Variants in SNTG1 observed in about 807,000 individuals in gnomAD.
SNTG1 encodes the protein gamma-1-syntrophin.
A neutral mutation model predicts 74.7 loss-of-function variants in SNTG1; 39 were observed. The observed-to-expected ratio is 0.52, with a 90% CI of 0.40 to 0.68. The LOEUF is 0.68. Ranked by LOEUF, SNTG1 falls within the 30% of genes least tolerant of loss-of-function variation. The pLI, the probability that SNTG1 is intolerant of heterozygous loss-of-function variation, is 0.00. For missense variants in SNTG1, 685 were observed against 609.5 expected (o/e 1.12, Z -1.30); for synonymous variants, 254 against 217.1 (o/e 1.17, Z -1.49).
intron 1 of SNTG1, among the ~76,000 whole-genome samples, chr8:50,057,300 C>T (rs1030535957): frequency 6.6e-6 from 1 of 152,106 alleles, no homozygotes; most frequent in African/African-American, 2.4e-5. Flanking sequence ...CTTAAGCTCA[C>T]AGGTGGAAGC....
intron 2 of SNTG1, among the ~76,000 whole-genome samples, chr8:50,240,964 AG>A (rs1393066092): frequency 3.8e-4 from 58 of 152,298 alleles, no homozygotes; most frequent in African/African-American, 1.3e-3. Context: ...AATAGAAGAA[AG>A]GTAGCCTTAA....
intron 4 of SNTG1, among the ~76,000 whole-genome samples, chr8:50,421,800 A>G (rs2093091424): frequency 6.6e-6 from 1 of 152,172 alleles, no homozygotes; most frequent in Non-Finnish European, 1.5e-5. Flanking sequence ...TACTTAATTA[A>G]TGTGTATACC....
chr8:50,059,161 G>T lies in SNTG1; in HGVS notation c.-102-113400G>T, dbSNP rs78501250. ...GCCATTCTTCCATTGAAGGACATTTGGGTTGTTTCTACTTTTTGGCTTTTA... is the reference window on the plus strand; with the variant it reads ...GCCATTCTTCCATTGAAGGACATTTTGGTTGTTTCTACTTTTTGGCTTTTA... On this transcript the variant is annotated intron_variant, in intron 1 of 18. Coordinates refer to ENST00000642720, the MANE Select transcript of SNTG1 (RefSeq NM_018967.5). Among the ~76,000 whole-genome samples the T allele has an allele frequency of 8.5e-5, 13 of 152,096 alleles. No homozygotes were observed. The East Asian group carries it at 2.5e-3, about 29-fold the overall frequency.
chr8:50,323,792 A>C (rs951557519), intron 2 of SNTG1, among the ~76,000 whole-genome samples: 1 of 152,168 alleles, frequency 6.6e-6, no homozygotes, highest in Non-Finnish European at 1.5e-5. Context: ...TCAGGGTGGC[A>C]AGATCCCCAG....
rs145138739 is a variant in SNTG1 at position 50,345,178 on chromosome 8, A to G, written c.-27-49034A>G. The stretch of plus-strand genomic sequence containing the variant: ...AAGAATACAGATTTGAATCAAAGAG[A>G]TAAGTTATCCCCTTCTCTTCTGTAC... On this transcript the variant is annotated intron_variant, in intron 2 of 18. Transcript: ENST00000642720. 9.8e-5 allele frequency among the ~76,000 whole-genome samples: 15 copies of G among 152,338 alleles called. No homozygotes were observed. The East Asian group carries it at 2.7e-3, about 27-fold the overall frequency.
intron 13 of SNTG1, among the ~76,000 whole-genome samples, chr8:50,631,082 A>G (rs2094994176): frequency 6.6e-6 from 1 of 152,180 alleles, no homozygotes; most frequent in Non-Finnish European, 1.5e-5. Flanking sequence ...CGGGGATAGG[A>G]GAAGTGTTGT....
At chr8:50,351,953 G>C (rs762149987) in intron 2 of SNTG1, among the ~76,000 whole-genome samples, 2 of 152,170 alleles carry the variant, frequency 1.3e-5, no homozygotes, top group Non-Finnish European at 2.9e-5. Context: ...AAAGTACTGT[G>C]GTCCTTGAGG....
At chr8:50,225,551 G>A (rs2085288383) in intron 2 of SNTG1, among the ~76,000 whole-genome samples, 2 of 152,118 alleles carry the variant, frequency 1.3e-5, no homozygotes, top group African/African-American at 2.4e-5. Context: ...TCCCTAAAAT[G>A]TATAGAACCA....
At chr8:50,549,842 G>C (rs2094413622) in intron 11 of SNTG1, among the ~76,000 whole-genome samples, 4 of 152,160 alleles carry the variant, frequency 2.6e-5, no homozygotes, top group Admixed American at 2.0e-4. Flanking sequence ...AGCCCAATAG[G>C]GTGGAGTAGC....
At chr8:50,627,667 A>T (rs1362625644) in intron 13 of SNTG1, among the ~76,000 whole-genome samples, 1 of 152,202 alleles carries the variant, frequency 6.6e-6, no homozygotes, top group Admixed American at 6.5e-5. Flanking sequence ...TTAATTTGCT[A>T]GAGCAGCTCC....
intron 1 of SNTG1, among the ~76,000 whole-genome samples, chr8:50,026,326 T>G (rs1408354510): frequency 6.6e-6 from 1 of 152,190 alleles, no homozygotes; most frequent in Non-Finnish European, 1.5e-5. Context: ...AATCTTTGCT[T>G]TTTGAATTCT....
intron 15 of SNTG1, among the ~76,000 whole-genome samples, chr8:50,679,126 T>C (rs1459914275): frequency 6.6e-6 from 1 of 152,140 alleles, no homozygotes; most frequent in Non-Finnish European, 1.5e-5. Flanking sequence ...GTGGGCTTCA[T>C]AGAAACTAAG....
chr8:50,009,512 G>A (rs971107153), intron 1 of SNTG1, among the ~76,000 whole-genome samples: 1 of 152,130 alleles, frequency 6.6e-6, no homozygotes, highest in East Asian at 1.9e-4. Flanking sequence ...TGGGGGTTTT[G>A]TGGTGCCGTT....
At chr8:50,063,043 T>C (rs1416143394) in intron 1 of SNTG1, among the ~76,000 whole-genome samples, 1 of 152,234 alleles carries the variant, frequency 6.6e-6, no homozygotes, top group Non-Finnish European at 1.5e-5. Context: ...TTCAGACCCA[T>C]AATGACACAA....
intron 2 of SNTG1, among the ~76,000 whole-genome samples, chr8:50,320,588 T>G (rs888838417): frequency 7.9e-5 from 12 of 152,036 alleles, no homozygotes; most frequent in African/African-American, 2.9e-4. Flanking sequence ...TTCTAGTTCT[T>G]TAGGATGCAT....
rs1051513126 is a variant in SNTG1 at position 50,738,759 on chromosome 8, T to A, written c.1285-13242T>A. On this transcript the variant is annotated intron_variant, in intron 17 of 18. Coordinates refer to ENST00000642720, the MANE Select transcript of SNTG1 (RefSeq NM_018967.5). ...GAGGCCTCAGAAATAACACCACACA[T>A]CTATGACCATCTGATCTTCCACAAA... 2.1e-4 allele frequency among the ~76,000 whole-genome samples: 32 copies of A among 149,258 alleles called. 1 individual carries two copies. The highest frequency in any genetic ancestry group is 1.9e-3 in the Admixed American group (29 of 14,908).
At chr8:50,531,667 G>A (rs895553896) in intron 10 of SNTG1, among the ~76,000 whole-genome samples, 64 of 152,204 alleles carry the variant, frequency 4.2e-4, no homozygotes, top group African/African-American at 1.1e-3. Context: ...GAGCTCACAG[G>A]GGTGTTTGGC....
intron 2 of SNTG1, among the ~76,000 whole-genome samples, chr8:50,282,292 A>G (rs897339086): frequency 1.3e-5 from 2 of 152,054 alleles, no homozygotes; most frequent in African/African-American, 4.8e-5. Context: ...ACCAATAAAT[A>G]CTGTCAGTTT....
intron 2 of SNTG1, among the ~76,000 whole-genome samples, chr8:50,177,818 TG>T (rs1418040043): frequency 6.6e-6 from 1 of 152,176 alleles, no homozygotes. Flanking sequence ...ATCATTACAG[TG>T]TCATGCAGAG....
Sources: allele counts gnomAD v4.1 joint callset (sites outside exome capture counted in the v4.1 genomes callset), GRCh38; gene constraint gnomAD v4.1.1; transcripts MANE v1.5; gene names NCBI Gene and HGNC (gene_info 2026-07-23, HGNC 2026-07-21).